PHKG2: variants seen among roughly 807,000 people sequenced by gnomAD.
The protein encoded by PHKG2 is phosphorylase b kinase gamma catalytic chain, liver/testis isoform.
Under a neutral mutation model 44.5 loss-of-function variants are expected in PHKG2, and 28 were observed. That is an observed-to-expected ratio of 0.63 (90% CI 0.47 to 0.86). The LOEUF (loss-of-function observed/expected upper bound fraction) is 0.86, where lower values mean the gene tolerates loss of function less well. Among genes scored for constraint, PHKG2 ranks in the 40% least tolerant of loss-of-function variants. The pLI is 0.00. For synonymous variants in PHKG2, 220 were observed against 211.2 expected, an observed-to-expected ratio of 1.04 and a Z score of -0.36; for missense variants, 498 against 547.5, an observed-to-expected ratio of 0.91 and a Z score of 0.90.
intron 1 of PHKG2, 42 bp downstream of exon 1, chr16:30,748,532 C>T (rs1172360191): frequency 1.9e-6 from 1 of 513,830 alleles, no homozygotes; most frequent in Non-Finnish European, 3.5e-6. Flanking sequence ...TGCGCCCGCC[C>T]GAATGCGCCT....
chr16:30,757,128 GA>G lies in PHKG2; in HGVS notation c.*33del. On this transcript the variant is annotated 3_prime_UTR_variant, in exon 10 of 10. Transcript: ENST00000563588. ...CAACCCCAGGGATTCCCAGGAAGCA[GA>G]ACTCTCCAGAAGAAGGGTTTTGATC... 1.2e-6 allele frequency: 2 copies of G among 1,611,230 alleles called. No individual in the cohort carries two copies. Among genetic ancestry groups the G allele is most frequent in the Non-Finnish European group, 8.5e-7 (1 of 1,179,896 alleles).
Position 30,760,095 on chromosome 16 carries a change from G to A in PHKG2, c.*2998G>A, listed in dbSNP as rs2053648047. On this transcript the variant is annotated 3_prime_UTR_variant, in exon 10 of 10. Transcript: ENST00000563588. ...ATTTCTCAGAACAGTCCTGTAAAAT[G>A]TGTGCTGTATCCTTAATTTCTAGAT... 5 of 1,538,280 alleles carry A rather than the reference G, an allele frequency of 3.3e-6. No individual in the cohort carries two copies. Among genetic ancestry groups the A allele is most frequent in the Non-Finnish European group, 4.4e-6 (5 of 1,147,768 alleles).
At chr16:30,753,064 C>A in intron 4 of PHKG2, 168 bp from the exon 5 acceptor site, 1 of 689,060 alleles carries the variant, frequency 1.5e-6, no homozygotes, top group Non-Finnish European at 2.7e-6. Context: ...GCTGCCAACA[C>A]ACCAGGCCAA....
intron 2 of PHKG2, among the ~76,000 whole-genome samples, chr16:30,750,606 G>A (rs966480394): frequency 4.6e-5 from 7 of 152,198 alleles, no homozygotes; most frequent in African/African-American, 1.7e-4. Flanking sequence ...TATGTCAGGG[G>A]ACCACTTAGG....
chr16:30,751,933 A>C, intron 4 of PHKG2: 2 of 333,112 alleles, frequency 6.0e-6, no homozygotes, highest in Non-Finnish European at 5.9e-6. Flanking sequence ...CTCTACTAAA[A>C]ATACAAAAAA....
intron 3 of PHKG2, 121 bp from the exon 4 acceptor site, chr16:30,751,425 GCCT>G: frequency 7.8e-7 from 1 of 1,275,714 alleles, no homozygotes; most frequent in Non-Finnish European, 1.1e-6. Context: ...GGCGCCCACT[GCCT>G]CCTCTGGTTC....
At chr16:30,752,798 A>G in intron 4 of PHKG2, 1 of 306,788 alleles carries the variant, frequency 3.3e-6, no homozygotes, top group Non-Finnish European at 6.3e-6. Context: ...TATAACCTCA[A>G]TTTTGAAAGT....
At position 30,760,488 on chromosome 16, in the gene PHKG2, C is replaced by T. The variant is rs1244680656; in HGVS notation, c.*3391C>T. On this transcript the variant is annotated 3_prime_UTR_variant, in exon 10 of 10. Coordinates refer to ENST00000563588, the MANE Select transcript of PHKG2 (RefSeq NM_000294.3). ...GAGAGAGGAGTGAGTGACAACTGGGCCTCCTTTCATCACCCTACACCCACC... is the reference window on the plus strand; with the variant it reads ...GAGAGAGGAGTGAGTGACAACTGGGTCTCCTTTCATCACCCTACACCCACC... 6.2e-7 allele frequency: 1 copy of T among 1,612,528 alleles called. No individual in the cohort carries two copies. The highest frequency in any genetic ancestry group is 1.7e-5 in the Admixed American group (1 of 59,984).
Position 30,760,709 on chromosome 16 carries a change from TATC to T in PHKG2, c.*3615_*3617del. On this transcript the variant is annotated 3_prime_UTR_variant, in exon 10 of 10. Transcript: ENST00000563588. Reference sequence around the variant, plus strand: ...AAAAAGAGTATTGGTGGCCGTTACCTATCATGACAAGGCTGTGACAGCTAGTGC... The same window carrying T: ...AAAAAGAGTATTGGTGGCCGTTACCTATGACAAGGCTGTGACAGCTAGTGC... 1 of 1,533,132 alleles carries T rather than the reference TATC, an allele frequency of 6.5e-7. No homozygotes were observed. The highest frequency in any genetic ancestry group is 8.8e-7 in the Non-Finnish European group (1 of 1,130,250). The allele number at this position is 1,533,132 out of a possible 1,614,324, so 95.0% of individuals were successfully genotyped here.
chr16:30,756,171 T>C lies in PHKG2; in HGVS notation c.557-11T>C. The C allele has an allele frequency of 1.9e-6, 3 of 1,610,482 alleles. No individual in the cohort carries two copies. Among genetic ancestry groups the C allele is most frequent in the Non-Finnish European group, 2.5e-6 (3 of 1,176,724 alleles). On this transcript the variant is annotated splice_polypyrimidine_tract_variant and intron_variant, in intron 6 of 9. Transcript: ENST00000563588. ...GGTGGCATCCCCTCAATCTTGGTCC[T>C]CTCTCCCCAGAGTTGTGTGGGACCC...
At position 30,757,419 on chromosome 16, in the gene PHKG2, AG is replaced by A; in HGVS notation, c.*325del. On this transcript the variant is annotated 3_prime_UTR_variant, in exon 10 of 10. Transcript: ENST00000563588. ...CAGGAAAGCCCAGAAGGTGCTCAGC[AG>A]GGTGCAGGGATGGTGCCATTCTGGC... The A allele has an allele frequency of 6.4e-7, 1 of 1,570,214 alleles. No individual in the cohort carries two copies.
Position 30,759,183 on chromosome 16 carries a change from T to G in PHKG2, c.*2086T>G. The G allele has an allele frequency of 1.2e-6, 2 of 1,614,178 alleles. No individual in the cohort carries two copies. The highest frequency in any genetic ancestry group is 8.5e-7 in the Non-Finnish European group (1 of 1,180,036). ...GCCCTGGCACTCTCCCTTACCCGTC[T>G]CACTCTCTGGCCACAGTTTGGGTGG... On this transcript the variant is annotated 3_prime_UTR_variant, in exon 10 of 10. Coordinates refer to ENST00000563588, the MANE Select transcript of PHKG2 (RefSeq NM_000294.3).
rs201418865 is a variant in PHKG2 at position 30,757,636 on chromosome 16, C to T, written c.*539C>T. 6.8e-4 allele frequency: 1,099 copies of T among 1,613,254 alleles called. 9 individuals are homozygous for T. The South Asian group carries it at 0.01, about 15-fold the overall frequency. ...GTTCACTTGGGTCTTGATGTAGGCT[C>T]GGAGGACGTGGATGTGGCCTGCAGG... On this transcript the variant is annotated 3_prime_UTR_variant, in exon 10 of 10. Transcript: ENST00000563588.
rs2053457183 is a variant in PHKG2, at chr16:30,757,507, G to A, written c.*410G>A. On this transcript the variant is annotated 3_prime_UTR_variant, in exon 10 of 10. Coordinates refer to ENST00000563588, the MANE Select transcript of PHKG2 (RefSeq NM_000294.3). Reference sequence around the variant, plus strand: ...GGTCTTGCTCTTGCCTTTACCCGGAGGTAGCTGGAAGGGCCGCTCTAGTGC... The same window carrying A: ...GGTCTTGCTCTTGCCTTTACCCGGAAGTAGCTGGAAGGGCCGCTCTAGTGC... The A allele has an allele frequency of 6.2e-7, 1 of 1,614,042 alleles. No homozygotes were observed. The highest frequency in any genetic ancestry group is 1.7e-5 in the Admixed American group (1 of 59,994).
In PHKG2 at chr16:30,749,070, GTGGTGGTGGTGGTGGTGGTGCTGC is replaced by G. The variant is rs1567259428; in HGVS notation, c.95+158_95+181del. Among the ~76,000 whole-genome samples, 34 of 24,988 alleles carry G rather than the reference GTGGTGGTGGTGGTGGTGGTGCTGC, an allele frequency of 1.4e-3. 2 individuals carry two copies. The highest frequency in any genetic ancestry group is 6.3e-3 in the South Asian group (4 of 636). The allele number at this position is 24,988 out of a possible 152,430, so 16.4% of individuals were successfully genotyped here. On this transcript the variant is annotated intron_variant, in intron 2 of 9. Coordinates refer to ENST00000563588, the MANE Select transcript of PHKG2 (RefSeq NM_000294.3). ...GGTGGTGGTGGTGGTGGTGGTGGTG[GTGGTGGTGGTGGTGGTGGTGCTGC>G]TGCTGCTGCTGCTGCTGGTGGTGCT...
rs2053523711 is a variant in PHKG2 at position 30,758,466 on chromosome 16, ACCCATC to A, written c.*1370_*1375del. The A allele has an allele frequency of 1.2e-5, 2 of 168,178 alleles. No individual in the cohort carries two copies. Among genetic ancestry groups the A allele is most frequent in the African/African-American group, 4.8e-5 (2 of 41,458 alleles). 10.4% of individuals were successfully genotyped at this position (168,178 alleles called of 1,614,324 possible). On this transcript the variant is annotated 3_prime_UTR_variant, in exon 10 of 10. Coordinates refer to ENST00000563588, the MANE Select transcript of PHKG2 (RefSeq NM_000294.3). ...TACATGGGCCATGGTGGTTTGCTTT[ACCCATC>A]AACCCATCATATAGGTTTTAAGCCA...
At chr16:30,751,868 T>A (rs1057012657) in intron 4 of PHKG2, 3 of 447,844 alleles carry the variant, frequency 6.7e-6, no homozygotes, top group Non-Finnish European at 1.3e-5. Flanking sequence ...CCGAGGCGGG[T>A]GGATCATGAG....
rs1567259464 is a variant in PHKG2, at chr16:30,749,085, GTGGTGCTGCTGCTGC to G, written c.95+173_95+187del. Among the ~76,000 whole-genome samples, 117 of 24,788 alleles carry G rather than the reference GTGGTGCTGCTGCTGC, an allele frequency of 4.7e-3. 25 individuals carry two copies. Among genetic ancestry groups the G allele is most frequent in the African/African-American group, 0.013 (97 of 7,220 alleles). 16.3% of individuals were successfully genotyped at this position (24,788 alleles called of 152,430 possible). A position where few individuals can be genotyped will look rare whatever the true frequency, so the allele number is the denominator to read the frequency against. On this transcript the variant is annotated intron_variant, in intron 2 of 9. Transcript: ENST00000563588. ...GGTGGTGGTGGTGGTGGTGGTGGTG[GTGGTGCTGCTGCTGC>G]TGCTGCTGCTGGTGGTGCTGGTGCT...
At position 30,753,410 on chromosome 16, in the gene PHKG2, C is replaced by T; in HGVS notation, c.409C>T (p.Leu137=). The change falls in exon 6 of 10, where the codon CTG becomes TTG. Residue 137 remains leucine (L), a synonymous_variant. Transcript: ENST00000563588. The part of the protein sequence containing the change: ...EKETRSIMRS[L]LEAVSFLHAN... ...TTCCCCCAGGTCCATCATGCGGTCTCTGCTGGAAGCAGTGAGCTTTCTCCA... is the reference window on the plus strand; with the variant it reads ...TTCCCCCAGGTCCATCATGCGGTCTTTGCTGGAAGCAGTGAGCTTTCTCCA... The T allele has an allele frequency of 6.2e-7, 1 of 1,614,218 alleles. No homozygotes were observed. The highest frequency in any genetic ancestry group is 8.5e-7 in the Non-Finnish European group (1 of 1,180,052).
Sources: gnomAD v4.1 joint callset for allele counts (sites outside exome capture counted in the v4.1 genomes callset) on GRCh38, gnomAD v4.1.1 for gene constraint, MANE v1.5 for transcripts, NCBI Gene and HGNC (gene_info 2026-07-23, HGNC 2026-07-21) for gene names.